Variants in BDH2 observed in about 807,000 individuals in gnomAD.
BDH2 encodes 3-hydroxybutyrate dehydrogenase 2.
A neutral mutation model predicts 33.2 loss-of-function variants in BDH2; 24 were observed. The observed-to-expected ratio is 0.72, with a 90% CI of 0.52 to 1.02. The LOEUF is 1.02. Among genes scored for constraint, BDH2 ranks in the 50% least tolerant of loss-of-function variants. The pLI, the probability that BDH2 is intolerant of heterozygous loss-of-function variation, is 0.00. For missense variants in BDH2, 249 were observed against 301.6 expected (o/e 0.83, Z 1.29); for synonymous variants, 81 against 101.6 (o/e 0.80, Z 1.22).
chr4:103,080,721 A>G lies in BDH2; in HGVS notation c.685-966T>C, dbSNP rs142795071. Among the ~76,000 whole-genome samples, 570 of 152,350 alleles carry G rather than the reference A, an allele frequency of 3.7e-3. 2 individuals are homozygous for G. The highest frequency in any genetic ancestry group is 0.024 in the Middle Eastern group (7 of 294). On this transcript the variant is annotated intron_variant, in intron 9 of 9. Coordinates refer to ENST00000296424, the MANE Select transcript of BDH2 (RefSeq NM_020139.4). The stretch of plus-strand genomic sequence containing the variant: ...AAAAAGCCAAAGGTACTTTTGTAGC[A>G]CATTTCAAGCCACAACACTTCCAAA...
chr4:103,096,284 T>A lies in BDH2; in HGVS notation c.-20-10A>T, dbSNP rs367707049. On this transcript the variant is annotated splice_polypyrimidine_tract_variant and intron_variant, in intron 1 of 9. Coordinates refer to ENST00000296424, the MANE Select transcript of BDH2 (RefSeq NM_020139.4). ...GAACCTGTGGTTTAATCTAAAGACA[T>A]GTGTGTTTAATGGGTTATACTGTAG... 23 of 1,567,474 alleles carry A rather than the reference T, an allele frequency of 1.5e-5. No homozygotes were observed. The highest frequency in any genetic ancestry group is 1.8e-5 in the Non-Finnish European group (20 of 1,138,330).
At chr4:103,086,431 A>C (rs1397146362) in intron 6 of BDH2, 49 bp downstream of exon 6, 1 of 1,589,830 alleles carries the variant, frequency 6.3e-7, no homozygotes, top group Admixed American at 1.8e-5. Flanking sequence ...AGAGCTCTTA[A>C]TGATGTGCGT....
chr4:103,090,773 C>T (rs1437427320), intron 5 of BDH2, among the ~76,000 whole-genome samples: 3 of 152,150 alleles, frequency 2.0e-5, no homozygotes, highest in Admixed American at 1.3e-4. Context: ...TTCACCTTTG[C>T]GGTGGAGTCC....
intron 3 of BDH2, among the ~76,000 whole-genome samples, 157 bp downstream of exon 3, chr4:103,095,046 T>C (rs1748316787): frequency 6.6e-6 from 1 of 152,226 alleles, no homozygotes; most frequent in Admixed American, 6.5e-5. Flanking sequence ...TTTTTGTCTA[T>C]AGGTTCACAA....
chr4:103,080,669 C>T (rs1209303973), intron 9 of BDH2, among the ~76,000 whole-genome samples: 1 of 152,204 alleles, frequency 6.6e-6, no homozygotes, highest in Non-Finnish European at 1.5e-5. Flanking sequence ...AGCTCTGTTA[C>T]ACATATGAAC....
At chr4:103,083,030 C>T in intron 7 of BDH2, 101 bp from the exon 8 acceptor site, 4 of 1,097,514 alleles carry the variant, frequency 3.6e-6, no homozygotes, top group Non-Finnish European at 4.2e-6. Flanking sequence ...AGATTCTTCT[C>T]CTTGACTTAA....
chr4:103,085,991 C>T (rs1747760011), intron 6 of BDH2: 1 of 1,163,114 alleles, frequency 8.6e-7, no homozygotes, highest in Admixed American at 4.4e-5. Context: ...GCTGATGGCT[C>T]AGATCAACTG....
chr4:103,086,118 C>T, intron 6 of BDH2: 1 of 1,096,874 alleles, frequency 9.1e-7, no homozygotes, highest in Non-Finnish European at 1.1e-6. Context: ...TGCTGCCTTG[C>T]TCCTAGTTTT....
chr4:103,087,545 G>A (rs1747854990), intron 5 of BDH2, among the ~76,000 whole-genome samples: 1 of 152,192 alleles, frequency 6.6e-6, no homozygotes, highest in African/African-American at 2.4e-5. Flanking sequence ...ATTTAGGGCA[G>A]TGTTTCCTAA....
intron 3 of BDH2, among the ~76,000 whole-genome samples, chr4:103,093,430 G>A (rs1222399512): frequency 2.0e-5 from 3 of 151,914 alleles, no homozygotes; most frequent in Non-Finnish European, 1.5e-5. Flanking sequence ...AGACATGAGA[G>A]ATCTGGCATG....
At chr4:103,094,741 G>A (rs764296756) in intron 3 of BDH2, among the ~76,000 whole-genome samples, 1 of 151,682 alleles carries the variant, frequency 6.6e-6, no homozygotes, top group Middle Eastern at 3.4e-3. Flanking sequence ...TAGATATATT[G>A]GATAAAAGAA....
At chr4:103,097,635 C>T (rs1369266162) in intron 1 of BDH2, 1 of 152,216 alleles carries the variant, frequency 6.6e-6, no homozygotes, top group Non-Finnish European at 1.5e-5. Flanking sequence ...AGAGGTCTCA[C>T]CTTTCTATTT....
In BDH2 at chr4:103,077,837, A is replaced by C. The variant is rs1382733957; in HGVS notation, c.*1865T>G. On this transcript the variant is annotated 3_prime_UTR_variant, in exon 10 of 10. Coordinates refer to ENST00000296424, the MANE Select transcript of BDH2 (RefSeq NM_020139.4). Reference sequence around the variant, plus strand: ...TCATAAACCAGAAAACTAAAATCCAAGATAGATTGGGTGACTTGGTCTAGA... The same window carrying C: ...TCATAAACCAGAAAACTAAAATCCACGATAGATTGGGTGACTTGGTCTAGA... Among the ~76,000 whole-genome samples the C allele has an allele frequency of 6.6e-6, 1 of 152,222 alleles. No individual in the cohort carries two copies. The highest frequency in any genetic ancestry group is 1.5e-5 in the Non-Finnish European group (1 of 68,038).
rs1217086990 is a variant in BDH2 at position 103,085,838 on chromosome 4, G to A, written c.419-376C>T. ...TTCTTTACATTCCTCTCTTGTGTAT[G>A]TTGAATATGTGTATCCTTGCAAAGA... On this transcript the variant is annotated intron_variant, in intron 6 of 9. Transcript: ENST00000296424. 10 of 1,267,778 alleles carry A rather than the reference G, an allele frequency of 7.9e-6. No homozygotes were observed. The African/African-American group carries it at 1.2e-4, about 16-fold the overall frequency. 78.5% of individuals were successfully genotyped at this position (1,267,778 alleles called of 1,614,324 possible). A position where few individuals can be genotyped will look rare whatever the true frequency, so the allele number is the denominator to read the frequency against.
intron 7 of BDH2, among the ~76,000 whole-genome samples, chr4:103,084,155 A>C (rs558015751): frequency 6.6e-6 from 1 of 152,322 alleles, no homozygotes; most frequent in South Asian, 2.1e-4. Flanking sequence ...TGTGCACCTC[A>C]AGCTTTCACT....
chr4:103,092,471 C>G, intron 4 of BDH2, 129 bp downstream of exon 4: 1 of 668,366 alleles, frequency 1.5e-6, no homozygotes, highest in East Asian at 2.7e-5. Flanking sequence ...TGTGTAAAAT[C>G]TAGCCATATT....
intron 5 of BDH2, among the ~76,000 whole-genome samples, chr4:103,090,300 C>G (rs2110708686): frequency 6.6e-6 from 1 of 152,282 alleles, no homozygotes; most frequent in South Asian, 2.1e-4. Context: ...GTGATTTATA[C>G]CAAGAGGTAC....
intron 5 of BDH2, among the ~76,000 whole-genome samples, chr4:103,087,314 G>A (rs1442024648): frequency 6.6e-6 from 1 of 150,656 alleles, no homozygotes; most frequent in Non-Finnish European, 1.5e-5. Context: ...AGGTGATGCA[G>A]TGACACTGAA....
At chr4:103,079,924 G>T (rs1042093055) in intron 9 of BDH2, among the ~76,000 whole-genome samples, 169 bp from the exon 10 acceptor site, 9 of 152,196 alleles carry the variant, frequency 5.9e-5, no homozygotes, top group African/African-American at 2.2e-4. Context: ...GGTTGATTTA[G>T]AACTGCTGAG....
Sources: gnomAD v4.1 joint callset for allele counts (sites outside exome capture counted in the v4.1 genomes callset) on GRCh38, gnomAD v4.1.1 for gene constraint, MANE v1.5 for transcripts, NCBI Gene and HGNC (gene_info 2026-07-23, HGNC 2026-07-21) for gene names.